The following AKT3 variants were observed in gnomAD, a reference collection of about 807,000 sequenced individuals.
The protein encoded by AKT3 is AKT serine/threonine kinase 3.
In AKT3, 15 loss-of-function variants were observed where a neutral mutation model predicts 65.3. The ratio of observed to expected loss-of-function variants is 0.23; its 90% CI spans 0.15 to 0.35. AKT3 has a LOEUF of 0.35. Among genes scored for constraint, AKT3 ranks in the 10% least tolerant of loss-of-function variants. The pLI is 1.00. For missense variants in AKT3, 243 were observed against 576.5 expected, an observed-to-expected ratio of 0.42 and a Z score of 5.92; for synonymous variants, 206 against 183.8, an observed-to-expected ratio of 1.12 and a Z score of -0.98.
intron 3 of AKT3, among the ~76,000 whole-genome samples, chr1:243,691,492 A>C (rs1684688533): frequency 6.6e-6 from 1 of 152,186 alleles, no homozygotes; most frequent in Non-Finnish European, 1.5e-5. Context: ...GCTAGTTAAG[A>C]ATCTACAGCA....
intron 2 of AKT3, among the ~76,000 whole-genome samples, chr1:243,820,141 G>A (rs907250540): frequency 6.6e-6 from 1 of 151,974 alleles, no homozygotes; most frequent in African/African-American, 2.4e-5. Context: ...GGATGGTCTC[G>A]ATCTCCTGAT....
At chr1:243,850,983 C>G (rs2148494368), upstream of AKT3, 1 of 152,268 alleles carries the variant, frequency 6.6e-6, no homozygotes, top group South Asian at 2.1e-4. Context: ...CGCCGCCAGG[C>G]CCCGGGCGTC....
At chr1:243,647,126 A>T (rs1680881395) in intron 4 of AKT3, among the ~76,000 whole-genome samples, 1 of 152,208 alleles carries the variant, frequency 6.6e-6, no homozygotes, top group Non-Finnish European at 1.5e-5. Flanking sequence ...TCCCAATGCA[A>T]TGTTTGTAAT....
At chr1:243,546,108 A>G (rs1009627709) in intron 11 of AKT3, among the ~76,000 whole-genome samples, 5 of 152,142 alleles carry the variant, frequency 3.3e-5, no homozygotes, top group South Asian at 4.1e-4. Context: ...ATGATAGTCA[A>G]TAAGTCTCAT....
intron 2 of AKT3, among the ~76,000 whole-genome samples, chr1:243,712,702 T>C (rs1223661095): frequency 1.3e-5 from 2 of 152,146 alleles, no homozygotes; most frequent in African/African-American, 2.4e-5. Context: ...ATAAGTAATA[T>C]GGAAAATTTT....
At chr1:243,725,169 C>A (rs1207919978) in intron 2 of AKT3, among the ~76,000 whole-genome samples, 1 of 151,400 alleles carries the variant, frequency 6.6e-6, no homozygotes, top group South Asian at 2.1e-4. Context: ...TGCATTCCAG[C>A]CTCAGAGACA....
At chr1:243,620,993 T>C (rs1328283488) in intron 6 of AKT3, among the ~76,000 whole-genome samples, 4 of 152,150 alleles carry the variant, frequency 2.6e-5, no homozygotes, top group East Asian at 3.9e-4. Flanking sequence ...ACTAACACCA[T>C]TGGAATCTCC....
At chr1:243,704,386 TAAGTC>T (rs750085109) in intron 2 of AKT3, among the ~76,000 whole-genome samples, 30 of 152,172 alleles carry the variant, frequency 2.0e-4, no homozygotes, top group Non-Finnish European at 8.8e-5. Flanking sequence ...CGTGGAGCTT[TAAGTC>T]TAGTAGGCAG....
At chr1:243,702,622 TCTA>T (rs949575385) in intron 2 of AKT3, among the ~76,000 whole-genome samples, 1 of 152,192 alleles carries the variant, frequency 6.6e-6, no homozygotes, top group Non-Finnish European at 1.5e-5. Context: ...CATTAAATGT[TCTA>T]CTAATCAGTA....
At chr1:243,617,133 C>T (rs1678384535) in intron 6 of AKT3, among the ~76,000 whole-genome samples, 1 of 150,392 alleles carries the variant, frequency 6.6e-6, no homozygotes, top group Admixed American at 6.6e-5. Flanking sequence ...AGAGTTCATT[C>T]ATCCATCCAC....
chr1:243,698,815 A>G (rs1331929193), intron 2 of AKT3, among the ~76,000 whole-genome samples: 2 of 152,116 alleles, frequency 1.3e-5, no homozygotes, highest in Non-Finnish European at 2.9e-5. Flanking sequence ...AAAGACTACT[A>G]AATCTATTTT....
chr1:243,580,179 T>A (rs1402996614), intron 8 of AKT3, among the ~76,000 whole-genome samples: 1 of 152,084 alleles, frequency 6.6e-6, no homozygotes, highest in Non-Finnish European at 1.5e-5. Flanking sequence ...TGACGTACAC[T>A]CCAGATCCCA....
rs1408456909 is a variant in AKT3, at chr1:243,843,800, C to T, written c.-112-518G>A. 2.6e-5 allele frequency among the ~76,000 whole-genome samples: 4 copies of T among 151,460 alleles called. 1 individual carries two copies. The highest frequency in any genetic ancestry group is 4.2e-4 in the South Asian group (2 of 4,780). On this transcript the variant is annotated intron_variant, in intron 1 of 13. Coordinates refer to ENST00000673466, the MANE Select transcript of AKT3 (RefSeq NM_005465.7). ...CCAAGCAGCTGGGACTACAGGTGTG[C>T]GCCACCACGCCCTGCTAATTTTTGT...
intron 2 of AKT3, among the ~76,000 whole-genome samples, chr1:243,753,388 T>G (rs946219429): frequency 6.6e-6 from 1 of 152,130 alleles, no homozygotes; most frequent in Non-Finnish European, 1.5e-5. Flanking sequence ...ATTTTTCACT[T>G]TCCTACAGTT....
At position 243,551,105 on chromosome 1, in the gene AKT3, T is replaced by C. The variant is rs116678815; in HGVS notation, c.1163+1624A>G. On this transcript the variant is annotated intron_variant, in intron 11 of 13. Transcript: ENST00000673466. ...AAACTTAAACTGAGAAACTGCTGCA[T>C]TGTAAATAAGATACATAAGAAATAC... is the stretch of plus-strand genomic sequence containing the variant. Among the ~76,000 whole-genome samples, 449 of 152,092 alleles carry C rather than the reference T, an allele frequency of 3.0e-3. 2 individuals are homozygous for C. Among genetic ancestry groups the C allele is most frequent in the Middle Eastern group, 0.01 (3 of 292 alleles).
At chr1:243,847,558 T>G (rs1376517343) in intron 1 of AKT3, among the ~76,000 whole-genome samples, 2 of 152,186 alleles carry the variant, frequency 1.3e-5, no homozygotes, top group South Asian at 4.1e-4. Flanking sequence ...CACTGAATTT[T>G]TATGAGAAAA....
intron 2 of AKT3, among the ~76,000 whole-genome samples, chr1:243,712,847 C>T (rs1195142171): frequency 6.6e-6 from 1 of 152,128 alleles, no homozygotes; most frequent in Admixed American, 6.6e-5. Context: ...TATCAAATCT[C>T]TAACACCTAA....
chr1:243,833,299 A>G (rs988330394), intron 2 of AKT3, among the ~76,000 whole-genome samples: 1 of 152,142 alleles, frequency 6.6e-6, no homozygotes, highest in African/African-American at 2.4e-5. Flanking sequence ...GGTAATTAAC[A>G]AAGGAAAGAA....
chr1:243,589,045 C>T (rs1369557061), intron 8 of AKT3, among the ~76,000 whole-genome samples: 1 of 152,042 alleles, frequency 6.6e-6, no homozygotes, highest in Non-Finnish European at 1.5e-5. Context: ...CAGTGGCTCA[C>T]GCCTGCAATC....
Sources: gnomAD v4.1 joint callset for allele counts (sites outside exome capture counted in the v4.1 genomes callset) on GRCh38, gnomAD v4.1.1 for gene constraint, MANE v1.5 for transcripts, NCBI Gene and HGNC (gene_info 2026-07-23, HGNC 2026-07-21) for gene names.